The following PTPRR variants were observed in gnomAD, a reference collection of about 807,000 sequenced individuals.
PTPRR encodes receptor-type tyrosine-protein phosphatase R.
Under a neutral mutation model 77.2 loss-of-function variants are expected in PTPRR, and 38 were observed. The observed-to-expected ratio is 0.49, with a 90% CI of 0.38 to 0.65. The LOEUF (loss-of-function observed/expected upper bound fraction) is 0.65. Ranked by LOEUF, PTPRR falls within the 30% of genes least tolerant of loss-of-function variation. The pLI is 0.00. For missense variants in PTPRR, 744 were observed against 799.2 expected (o/e 0.93, Z 0.83); for synonymous variants, 299 against 283.1 (o/e 1.06, Z -0.57).
intron 2 of PTPRR, among the ~76,000 whole-genome samples, chr12:70,838,595 A>G (rs1417226361): frequency 6.6e-6 from 1 of 152,210 alleles, no homozygotes; most frequent in East Asian, 1.9e-4. Flanking sequence ...TAAATTCAGA[A>G]TATGGCGGAG....
At chr12:70,661,340 T>A (rs1465587288) in intron 11 of PTPRR, 1 of 492,924 alleles carries the variant, frequency 2.0e-6, no homozygotes, top group African/African-American at 2.0e-5. Context: ...CCTATAGTTA[T>A]AATATAGATC....
At chr12:70,673,793 G>T (rs908175648) in intron 10 of PTPRR, among the ~76,000 whole-genome samples, 5 of 152,100 alleles carry the variant, frequency 3.3e-5, no homozygotes, top group African/African-American at 1.2e-4. Context: ...GCATGAAGTT[G>T]TTCATAGTGT....
chr12:70,693,972 T>C (rs1431589507), intron 8 of PTPRR, among the ~76,000 whole-genome samples: 1 of 152,140 alleles, frequency 6.6e-6, no homozygotes, highest in Non-Finnish European at 1.5e-5. Flanking sequence ...TTACACATAC[T>C]ATCATTTAAT....
At chr12:70,716,178 G>A (rs1275507259) in intron 6 of PTPRR, among the ~76,000 whole-genome samples, 1 of 152,070 alleles carries the variant, frequency 6.6e-6, no homozygotes, top group Non-Finnish European at 1.5e-5. Flanking sequence ...CAGCTTCTAA[G>A]TGTTTATAAC....
intron 2 of PTPRR, among the ~76,000 whole-genome samples, chr12:70,879,658 CT>C (rs1034311845): frequency 3.3e-5 from 5 of 152,108 alleles, no homozygotes; most frequent in African/African-American, 9.7e-5. Flanking sequence ...AATATAGTTT[CT>C]TTTTTTCATG....
chr12:70,842,190 A>T (rs1049593497), intron 2 of PTPRR, among the ~76,000 whole-genome samples: 1 of 152,152 alleles, frequency 6.6e-6, no homozygotes, highest in African/African-American at 2.4e-5. Context: ...CCTTTTCCCT[A>T]TAATTCTCTG....
At chr12:70,904,293 C>A (rs1893586193) in intron 1 of PTPRR, among the ~76,000 whole-genome samples, 1 of 151,654 alleles carries the variant, frequency 6.6e-6, no homozygotes, top group South Asian at 2.1e-4. Flanking sequence ...ATAATTGCCC[C>A]CAAATGGAAA....
intron 2 of PTPRR, among the ~76,000 whole-genome samples, chr12:70,870,622 T>C (rs757275756): frequency 3.3e-5 from 5 of 152,234 alleles, no homozygotes; most frequent in Admixed American, 6.5e-5. Flanking sequence ...TAAAACCTCC[T>C]GTCACTGGAA....
chr12:70,851,136 G>A (rs538577971), intron 2 of PTPRR, among the ~76,000 whole-genome samples: 5 of 152,234 alleles, frequency 3.3e-5, no homozygotes, highest in South Asian at 4.1e-4. Flanking sequence ...GAAAACTAAC[G>A]TTAGGTAATT....
At chr12:70,779,251 A>G (rs1891152936) in intron 2 of PTPRR, among the ~76,000 whole-genome samples, 1 of 151,764 alleles carries the variant, frequency 6.6e-6, no homozygotes, top group Non-Finnish European at 1.5e-5. Flanking sequence ...TTAGAGTTAA[A>G]TTCCATCATG....
intron 2 of PTPRR, among the ~76,000 whole-genome samples, chr12:70,803,978 A>C (rs1275629359): frequency 2.0e-5 from 3 of 151,960 alleles, no homozygotes; most frequent in African/African-American, 7.2e-5. Flanking sequence ...AGGATGAAAA[A>C]TTTAAGGAGA....
chr12:70,660,037 C>CGTG (rs1886737084), intron 12 of PTPRR, among the ~76,000 whole-genome samples: 1 of 151,766 alleles, frequency 6.6e-6, no homozygotes. Flanking sequence ...ATTAGCCAGG[C>CGTG]GTGGTGGTGC....
At chr12:70,751,480 A>T in intron 5 of PTPRR, among the ~76,000 whole-genome samples, 1 of 152,174 alleles carries the variant, frequency 6.6e-6, no homozygotes, top group Non-Finnish European at 1.5e-5. Context: ...ACAGCAGATC[A>T]TATCAAGGCT....
At chr12:70,679,079 T>C (rs1887559275) in intron 10 of PTPRR, among the ~76,000 whole-genome samples, 1 of 152,226 alleles carries the variant, frequency 6.6e-6, no homozygotes, top group Non-Finnish European at 1.5e-5. Context: ...AAACTTCTCT[T>C]TTAGAACAGC....
At chr12:70,821,317 C>T (rs750362535) in intron 2 of PTPRR, among the ~76,000 whole-genome samples, 3 of 143,848 alleles carry the variant, frequency 2.1e-5, no homozygotes, top group East Asian at 2.2e-4. Flanking sequence ...TTCCGCCTCC[C>T]GGGTACAAGT....
intron 6 of PTPRR, among the ~76,000 whole-genome samples, chr12:70,724,894 A>G (rs1379997980): frequency 1.3e-5 from 2 of 151,950 alleles, no homozygotes; most frequent in Admixed American, 1.3e-4. Context: ...AATAATCTTT[A>G]TTTTTGTTTT....
At chr12:70,816,954 G>T (rs1373837462) in intron 2 of PTPRR, among the ~76,000 whole-genome samples, 1 of 152,046 alleles carries the variant, frequency 6.6e-6, no homozygotes, top group Non-Finnish European at 1.5e-5. Flanking sequence ...TATGAATTCT[G>T]CAATATTTAT....
chr12:70,918,631 G>C (rs886821429), intron 1 of PTPRR, among the ~76,000 whole-genome samples: 1 of 152,122 alleles, frequency 6.6e-6, no homozygotes, highest in Non-Finnish European at 1.5e-5. Flanking sequence ...ACATGCTTCA[G>C]TTTATTTATA....
intron 2 of PTPRR, among the ~76,000 whole-genome samples, chr12:70,809,169 A>G (rs1268777534): frequency 5.3e-5 from 8 of 152,202 alleles, no homozygotes; most frequent in African/African-American, 1.4e-4. Context: ...TTCCTTATAA[A>G]AAAGACAGGC....
Sources: gnomAD v4.1 joint callset for allele counts (sites outside exome capture counted in the v4.1 genomes callset) on GRCh38, gnomAD v4.1.1 for gene constraint, MANE v1.5 for transcripts, NCBI Gene and HGNC (gene_info 2026-07-23, HGNC 2026-07-21) for gene names.